RAB3C: variants seen among roughly 807,000 people sequenced by gnomAD.
RAB3C encodes ras-related protein Rab-3C.
RAB3C carries 17 observed loss-of-function variants against 26.4 expected under a neutral mutation model. The ratio of observed to expected loss-of-function variants is 0.64; its 90% CI spans 0.44 to 0.97. The LOEUF (loss-of-function observed/expected upper bound fraction) is 0.97. Among genes scored for constraint, RAB3C ranks in the 50% least tolerant of loss-of-function variants. The pLI is 0.00. For synonymous variants in RAB3C, 91 were observed against 95.9 expected (o/e 0.95, Z 0.30); for missense variants, 242 against 281.9 (o/e 0.86, Z 1.01).
intron 3 of RAB3C, among the ~76,000 whole-genome samples, chr5:58,821,664 T>C (rs1743345606): frequency 6.6e-6 from 1 of 152,218 alleles, no homozygotes; most frequent in Admixed American, 6.5e-5. Flanking sequence ...TAAAATATGC[T>C]ATGACTCTGA....
intron 2 of RAB3C, among the ~76,000 whole-genome samples, chr5:58,690,531 ATGTT>A (rs1218501291): frequency 3.3e-5 from 5 of 152,224 alleles, no homozygotes; most frequent in African/African-American, 1.2e-4. Flanking sequence ...CTGGGGTTGT[ATGTT>A]TGGGGCCACA....
chr5:58,616,249 C>T lies in RAB3C; in HGVS notation c.25-1394C>T, dbSNP rs184504219. 2.1e-3 allele frequency among the ~76,000 whole-genome samples: 321 copies of T among 152,278 alleles called. 9 individuals are homozygous for T. The highest frequency in any genetic ancestry group is 0.021 in the Admixed American group (316 of 15,298). On this transcript the variant is annotated intron_variant, in intron 1 of 4. Coordinates refer to ENST00000282878, the MANE Select transcript of RAB3C (RefSeq NM_138453.4). ...TATTTGCACTGTCCAGTATAGTAGC[C>T]ATTAGTCATATGCTGCTATTTTGCA...
intron 4 of RAB3C, among the ~76,000 whole-genome samples, chr5:58,837,554 TC>T (rs1743776138): frequency 8.4e-6 from 1 of 118,762 alleles, no homozygotes; most frequent in Non-Finnish European, 1.8e-5. Flanking sequence ...TGTTTCAGTC[TC>T]TCTTTTTTTT....
intron 2 of RAB3C, among the ~76,000 whole-genome samples, chr5:58,704,868 G>C (rs1310140543): frequency 2.0e-5 from 3 of 152,178 alleles, no homozygotes; most frequent in Non-Finnish European, 4.4e-5. Context: ...GCTGATTCTT[G>C]TTCACCATTA....
At chr5:58,628,151 C>G (rs748185884) in intron 2 of RAB3C, among the ~76,000 whole-genome samples, 1 of 76,010 alleles carries the variant, frequency 1.3e-5, no homozygotes, top group South Asian at 5.6e-4. Context: ...GGCAAGACTC[C>G]GTCTCAAAAA....
At chr5:58,851,073 T>C in intron 4 of RAB3C, 91 bp from the exon 5 acceptor site, 1 of 1,255,906 alleles carries the variant, frequency 8.0e-7, no homozygotes, top group Non-Finnish European at 1.1e-6. Flanking sequence ...TGTCTCACCA[T>C]CACCTCATCA....
At chr5:58,647,516 T>C (rs1430446618) in intron 2 of RAB3C, 2 of 152,132 alleles carry the variant, frequency 1.3e-5, no homozygotes, top group Non-Finnish European at 2.9e-5. Flanking sequence ...GTGGGGATTA[T>C]GGGGATTACA....
At chr5:58,612,539 T>C (rs1166264228) in intron 1 of RAB3C, among the ~76,000 whole-genome samples, 13 of 60,594 alleles carry the variant, frequency 2.1e-4, no homozygotes, top group African/African-American at 8.1e-4. Context: ...TATATATATA[T>C]ATATATATGT....
chr5:58,809,839 T>C (rs1743030368), intron 3 of RAB3C, among the ~76,000 whole-genome samples: 1 of 152,238 alleles, frequency 6.6e-6, no homozygotes. Flanking sequence ...AATAAACGTC[T>C]GTTGCTTAAG....
intron 1 of RAB3C, among the ~76,000 whole-genome samples, chr5:58,590,742 A>G (rs1224080591): frequency 6.6e-6 from 1 of 151,976 alleles, no homozygotes; most frequent in East Asian, 1.9e-4. Flanking sequence ...ATAGGGTTTC[A>G]CCATGTTGGC....
At chr5:58,813,619 TATATATATATATATAC>T (rs59720184) in intron 3 of RAB3C, among the ~76,000 whole-genome samples, 4,705 of 47,514 alleles carry the variant, frequency 0.099, 167 homozygotes, top group Non-Finnish European at 0.15. Flanking sequence ...TATATATATA[TATATATATATATATAC>T]ACACACACAC....
intron 3 of RAB3C, among the ~76,000 whole-genome samples, chr5:58,748,255 C>G (rs998956830): frequency 5.9e-5 from 9 of 152,030 alleles, no homozygotes; most frequent in African/African-American, 2.2e-4. Context: ...GATAACTTAC[C>G]CTTTAAAGCT....
intron 2 of RAB3C, among the ~76,000 whole-genome samples, chr5:58,635,383 T>C (rs1209349090): frequency 1.3e-5 from 2 of 152,164 alleles, no homozygotes; most frequent in African/African-American, 4.8e-5. Context: ...GGTGCAATGG[T>C]GTAAAGAAAG....
intron 2 of RAB3C, among the ~76,000 whole-genome samples, chr5:58,629,050 A>G (rs1747129360): frequency 6.7e-6 from 1 of 150,218 alleles, no homozygotes; most frequent in South Asian, 2.1e-4. Flanking sequence ...AAAAAAAAAA[A>G]AAAAAGGTGA....
chr5:58,683,309 T>C (rs989589830), intron 2 of RAB3C, among the ~76,000 whole-genome samples: 2 of 152,226 alleles, frequency 1.3e-5, no homozygotes, highest in East Asian at 3.8e-4. Context: ...GCTTCATTCT[T>C]CTTATATACT....
chr5:58,589,094 A>G (rs1045929422), intron 1 of RAB3C, among the ~76,000 whole-genome samples: 1 of 152,102 alleles, frequency 6.6e-6, no homozygotes, highest in Non-Finnish European at 1.5e-5. Context: ...TATATTGAAC[A>G]AATTTGATTT....
chr5:58,785,857 A>C (rs1561129632), intron 3 of RAB3C, among the ~76,000 whole-genome samples: 1 of 152,252 alleles, frequency 6.6e-6, no homozygotes, highest in Non-Finnish European at 1.5e-5. Flanking sequence ...AGCAGGGGAA[A>C]TGATGTAGAA....
chr5:58,849,338 A>T (rs1337013771), intron 4 of RAB3C, among the ~76,000 whole-genome samples: 1 of 152,136 alleles, frequency 6.6e-6, no homozygotes, highest in Non-Finnish European at 1.5e-5. Context: ...GACATAAAGC[A>T]TCCTCCCATT....
At chr5:58,668,168 T>C (rs2111818857) in intron 2 of RAB3C, among the ~76,000 whole-genome samples, 1 of 152,272 alleles carries the variant, frequency 6.6e-6, no homozygotes, top group East Asian at 1.9e-4. Flanking sequence ...TATTTTTGTA[T>C]TGCAATTGCC....
Sources: allele counts gnomAD v4.1 joint callset (sites outside exome capture counted in the v4.1 genomes callset), GRCh38; gene constraint gnomAD v4.1.1; transcripts MANE v1.5; gene names NCBI Gene and HGNC (gene_info 2026-07-23, HGNC 2026-07-21).